CDH10: variants seen among roughly 807,000 people sequenced by gnomAD.
CDH10 encodes cadherin-10.
Under a neutral mutation model 73.1 loss-of-function variants are expected in CDH10, and 30 were observed. That is an observed-to-expected ratio of 0.41 (90% CI 0.31 to 0.56). CDH10 has a LOEUF of 0.56. Among genes scored for constraint, CDH10 ranks in the 20% least tolerant of loss-of-function variants. CDH10 has a pLI of 0.27. For missense variants in CDH10, 815 were observed against 973.7 expected (o/e 0.84, Z 2.17); for synonymous variants, 345 against 348.2 (o/e 0.99, Z 0.10).
At chr5:24,527,501 T>G (rs1743577737) in intron 5 of CDH10, among the ~76,000 whole-genome samples, 1 of 151,710 alleles carries the variant, frequency 6.6e-6, no homozygotes, top group Non-Finnish European at 1.5e-5. Context: ...ATAATTTTGT[T>G]GTACAAACAT....
chr5:24,594,897 A>G (rs1161721199), intron 1 of CDH10, among the ~76,000 whole-genome samples: 1 of 152,006 alleles, frequency 6.6e-6, no homozygotes, highest in Non-Finnish European at 1.5e-5. Flanking sequence ...TGTATAAAAA[A>G]GAATCTTGTC....
At chr5:24,611,153 T>C (rs1263640546) in intron 1 of CDH10, among the ~76,000 whole-genome samples, 1 of 152,204 alleles carries the variant, frequency 6.6e-6, no homozygotes, top group Non-Finnish European at 1.5e-5. Context: ...GAAAATAATA[T>C]ATTGTTATTC....
intron 2 of CDH10, among the ~76,000 whole-genome samples, chr5:24,563,846 T>C (rs1326946376): frequency 6.6e-6 from 1 of 151,584 alleles, no homozygotes; most frequent in Non-Finnish European, 1.5e-5. Flanking sequence ...AATGTTCTAA[T>C]CAATCAATTA....
chr5:24,488,434 A>G (rs1259187627), intron 11 of CDH10, among the ~76,000 whole-genome samples: 3 of 152,130 alleles, frequency 2.0e-5, no homozygotes, highest in East Asian at 3.9e-4. Context: ...CCTAGGAACC[A>G]TTTAGTTCCT....
chr5:24,593,937 A>AT (rs1746286820), intron 1 of CDH10, among the ~76,000 whole-genome samples: 1 of 151,866 alleles, frequency 6.6e-6, no homozygotes, highest in African/African-American at 2.4e-5. Context: ...CTGCATGTCA[A>AT]TTTTTTCAGA....
intron 2 of CDH10, among the ~76,000 whole-genome samples, chr5:24,571,400 A>C (rs936178446): frequency 2.0e-5 from 3 of 152,174 alleles, no homozygotes; most frequent in African/African-American, 7.2e-5. Flanking sequence ...GTCAACAGTA[A>C]GAAAATGCCT....
At chr5:24,493,066 C>T (rs1301017300) in intron 9 of CDH10, 141 bp from the exon 10 acceptor site, 1 of 525,274 alleles carries the variant, frequency 1.9e-6, no homozygotes, top group Non-Finnish European at 3.4e-6. Flanking sequence ...GTTAATCCAT[C>T]TTTTTAGTAT....
chr5:24,634,580 T>C (rs1337570320), intron 1 of CDH10, among the ~76,000 whole-genome samples: 1 of 151,752 alleles, frequency 6.6e-6, no homozygotes, highest in African/African-American at 2.4e-5. Flanking sequence ...AAAAGATAAC[T>C]GTGACTCTGA....
At chr5:24,549,907 T>C (rs1354481946) in intron 2 of CDH10, among the ~76,000 whole-genome samples, 2 of 152,126 alleles carry the variant, frequency 1.3e-5, no homozygotes, top group Non-Finnish European at 2.9e-5. Context: ...TAACATTCTA[T>C]ATTGTATCAA....
intron 1 of CDH10, among the ~76,000 whole-genome samples, chr5:24,604,867 T>C (rs1225649636): frequency 8.5e-6 from 1 of 117,042 alleles, no homozygotes; most frequent in Non-Finnish European, 1.6e-5. Context: ...GAGCAAGATG[T>C]CTCTAAAAAA....
chr5:24,595,997 C>T (rs1472680403), intron 1 of CDH10, among the ~76,000 whole-genome samples: 1 of 151,738 alleles, frequency 6.6e-6, no homozygotes, highest in Non-Finnish European at 1.5e-5. Flanking sequence ...CAGTAAAATG[C>T]ATTATTTAAT....
chr5:24,603,718 G>GA (rs112600816), intron 1 of CDH10, among the ~76,000 whole-genome samples: 42 of 149,120 alleles, frequency 2.8e-4, no homozygotes, highest in South Asian at 4.2e-4. Flanking sequence ...ATACTTGCTG[G>GA]AAAAAAAAAA....
intron 1 of CDH10, among the ~76,000 whole-genome samples, chr5:24,633,798 A>T (rs1224322089): frequency 1.3e-5 from 2 of 151,876 alleles, no homozygotes; most frequent in Non-Finnish European, 2.9e-5. Flanking sequence ...ATGTCATCTT[A>T]TAACCCTTAA....
At chr5:24,561,115 C>T (rs928868975) in intron 2 of CDH10, among the ~76,000 whole-genome samples, 5 of 151,950 alleles carry the variant, frequency 3.3e-5, no homozygotes, top group South Asian at 2.1e-4. Context: ...TCTCAATAAG[C>T]GGTAACCAGT....
chr5:24,501,926 CT>C (rs35042550), intron 8 of CDH10, among the ~76,000 whole-genome samples: 441 of 144,008 alleles, frequency 3.1e-3, no homozygotes, highest in Non-Finnish European at 3.3e-3. Context: ...TCCACATGGC[CT>C]TTTTTTTTTT....
intron 1 of CDH10, among the ~76,000 whole-genome samples, chr5:24,643,186 C>CG (rs1345031552): frequency 1.3e-4 from 20 of 152,054 alleles, no homozygotes; most frequent in African/African-American, 4.3e-4. Flanking sequence ...CTCGGGGGAG[C>CG]GGGGTGCAGA....
Position 24,509,697 on chromosome 5 carries a change from T to C in CDH10, c.1125A>G (p.Ile375Met), listed in dbSNP as rs1274114970. Residue 375 changes from isoleucine to methionine, a missense_variant, in exon 7 of 12, where the codon ATA (isoleucine) becomes ATG (methionine). Coordinates refer to ENST00000264463, the MANE Select transcript of CDH10 (RefSeq NM_006727.5). ...AAACAGGAGGTTCATCCACATCTTC[T>C]ATAGAGATTTTCACTATGGTAGTAT... Reference protein sequence around the residue: ...FKDTTIVKISIEDVDEPPVFS... With the variant: ...FKDTTIVKISMEDVDEPPVFS... 6.2e-7 allele frequency: 1 copy of C among 1,613,462 alleles called. No homozygotes were observed. The highest frequency in any genetic ancestry group is 1.1e-5 in the South Asian group (1 of 91,072).
rs542869474 is a variant in CDH10 at position 24,591,819 on chromosome 5, A to C, written c.231+1441T>G. ...AAGTAGCTTGACTATGAGAGTATAT[A>C]ATGTAATGATAATTCAATTTACCAA... On this transcript the variant is annotated intron_variant, in intron 2 of 11. Transcript: ENST00000264463. 3.3e-5 allele frequency among the ~76,000 whole-genome samples: 5 copies of C among 152,108 alleles called. No individual in the cohort carries two copies. In the South Asian group the frequency reaches 8.3e-4, roughly 25 times the overall value.
At chr5:24,510,414 T>C (rs1742860032) in intron 6 of CDH10, among the ~76,000 whole-genome samples, 1 of 152,242 alleles carries the variant, frequency 6.6e-6, no homozygotes, top group South Asian at 2.1e-4. Flanking sequence ...TAAATATTCA[T>C]ATAGTTTAAC....
Sources: gnomAD v4.1 joint callset for allele counts (sites outside exome capture counted in the v4.1 genomes callset) on GRCh38, gnomAD v4.1.1 for gene constraint, MANE v1.5 for transcripts, NCBI Gene and HGNC (gene_info 2026-07-23, HGNC 2026-07-21) for gene names.